BCOR: variants seen among roughly 807,000 people sequenced by gnomAD.
BCOR encodes BCL6 corepressor.
A neutral mutation model predicts 86.7 loss-of-function variants in BCOR; 10 were observed. That is an observed-to-expected ratio of 0.12 (90% CI 0.07 to 0.20). The LOEUF (loss-of-function observed/expected upper bound fraction) is 0.20. Ranked by LOEUF, BCOR falls within the 10% of genes least tolerant of loss-of-function variation. The pLI is 1.00. For missense variants in BCOR, 1,259 were observed against 1,452.1 expected (o/e 0.87, Z 2.16); for synonymous variants, 611 against 609.0 (o/e 1.00, Z -0.05).
chrX:40,115,268 TTAAC>T (rs1435414711), intron 1 of BCOR, among the ~76,000 whole-genome samples: 7 of 111,919 alleles, frequency 6.3e-5, no homozygotes, highest in African/African-American at 2.3e-4. Flanking sequence ...CCCCAAACCT[TTAAC>T]TATTTCTGGG....
chrX:40,120,820 A>C (rs903335087), intron 1 of BCOR, among the ~76,000 whole-genome samples: 6 of 112,492 alleles, frequency 5.3e-5, no homozygotes, highest in Non-Finnish European at 7.5e-5. Context: ...GATGTATGCC[A>C]TGGAAAGAAA....
intron 1 of BCOR, among the ~76,000 whole-genome samples, chrX:40,084,148 T>G (rs1936242491): frequency 9.0e-6 from 1 of 111,466 alleles, no homozygotes; most frequent in African/African-American, 3.3e-5. Context: ...GGGGTGCGAA[T>G]CTCGGGCGTT....
At chrX:40,155,595 C>T (rs2147998433) in intron 1 of BCOR, among the ~76,000 whole-genome samples, 1 of 110,772 alleles carries the variant, frequency 9.0e-6, no homozygotes, top group East Asian at 2.9e-4. Flanking sequence ...CGAGGAGACC[C>T]CACTCGGACT....
At chrX:40,105,085 T>C (rs991856018) in intron 1 of BCOR, among the ~76,000 whole-genome samples, 13 of 109,633 alleles carry the variant, frequency 1.2e-4, no homozygotes, top group African/African-American at 3.3e-4. Context: ...GCGCTTCACG[T>C]GCCCGCCATA....
chrX:40,061,540 G>C (rs1406883785), intron 10 of BCOR, among the ~76,000 whole-genome samples: 1 of 111,164 alleles, frequency 9.0e-6, no homozygotes, highest in African/African-American at 3.3e-5. Flanking sequence ...CCCATGCTAG[G>C]AGGAGGATGA....
At chrX:40,124,852 C>T (rs769017715) in intron 1 of BCOR, among the ~76,000 whole-genome samples, 44 of 111,234 alleles carry the variant, frequency 4.0e-4, no homozygotes, top group Non-Finnish European at 7.9e-4. Flanking sequence ...GCTAGGATTA[C>T]AGGGCCACTG....
chrX:40,175,830 T>C (rs1569204868), intron 1 of BCOR, among the ~76,000 whole-genome samples: 2 of 112,490 alleles, frequency 1.8e-5, no homozygotes, highest in East Asian at 5.7e-4. Context: ...TCGACTGGGG[T>C]GAGGGGCGGG....
At chrX:40,125,011 G>T (rs1937522969) in intron 1 of BCOR, among the ~76,000 whole-genome samples, 1 of 105,704 alleles carries the variant, frequency 9.5e-6, no homozygotes, top group African/African-American at 3.5e-5. Context: ...AGGATGGAGG[G>T]GTGTGTGTGG....
In BCOR at chrX:40,157,088, G is replaced by C. The variant is rs141905275; in HGVS notation, c.-41+19919C>G. 8.7e-3 allele frequency among the ~76,000 whole-genome samples: 992 copies of C among 113,481 alleles called. 8 individuals are homozygous for C. Among genetic ancestry groups the C allele is most frequent in the African/African-American group, 0.03 (939 of 31,308 alleles). On this transcript the variant is annotated intron_variant, in intron 1 of 14. Coordinates refer to the BCOR transcript ENST00000342274. ...GTCGAATGGTTGGCTTGGTGGTGGG[G>C]TGACCCCAGCTCACGGAGGCCTGGC...
intron 1 of BCOR, among the ~76,000 whole-genome samples, chrX:40,167,615 C>CT (rs1243178564): frequency 8.8e-6 from 1 of 113,001 alleles, no homozygotes; most frequent in Non-Finnish European, 1.9e-5. Context: ...GCCTGCTCGG[C>CT]TTTTATTGTG....
At chrX:40,156,386 C>A (rs1347676005) in intron 1 of BCOR, among the ~76,000 whole-genome samples, 1 of 110,505 alleles carries the variant, frequency 9.0e-6, no homozygotes, top group African/African-American at 3.3e-5. Context: ...GGGGGTAGGG[C>A]TGGGGCGGCA....
chrX:40,150,225 G>A (rs1362516452), intron 1 of BCOR, among the ~76,000 whole-genome samples: 1 of 112,327 alleles, frequency 8.9e-6, no homozygotes, highest in Non-Finnish European at 1.9e-5. Context: ...ATCTTTGAGA[G>A]GATTCAGTTT....
At chrX:40,164,607 A>T (rs1938478894) in intron 1 of BCOR, among the ~76,000 whole-genome samples, 1 of 111,680 alleles carries the variant, frequency 9.0e-6, no homozygotes, top group South Asian at 3.8e-4. Flanking sequence ...CCTGACCTAC[A>T]TTGGCTGCAC....
intron 1 of BCOR, among the ~76,000 whole-genome samples, chrX:40,173,683 AG>A (rs1168713548): frequency 8.9e-6 from 1 of 112,544 alleles, no homozygotes; most frequent in African/African-American, 3.2e-5. Context: ...AAGTTCCGTC[AG>A]GGCTCAGGCA....
At chrX:40,125,929 C>T (rs1937532759) in intron 1 of BCOR, among the ~76,000 whole-genome samples, 1 of 110,896 alleles carries the variant, frequency 9.0e-6, no homozygotes, top group South Asian at 3.8e-4. Flanking sequence ...ATCTGGGAGT[C>T]GGCCAGGCGC....
intron 1 of BCOR, among the ~76,000 whole-genome samples, chrX:40,135,184 C>T (rs187832081): frequency 1.2e-3 from 136 of 111,234 alleles, no homozygotes; most frequent in Admixed American, 3.9e-3. Context: ...GTGTCCTGCA[C>T]AGCCTGCGAG....
chrX:40,171,842 G>A (rs942188940), intron 1 of BCOR, among the ~76,000 whole-genome samples: 1 of 113,350 alleles, frequency 8.8e-6, no homozygotes, highest in African/African-American at 3.2e-5. Flanking sequence ...GATGGCAGCG[G>A]CTCCCCTGGG....
At chrX:40,127,911 T>TTA (rs1491347085) in intron 1 of BCOR, among the ~76,000 whole-genome samples, 83 of 86,484 alleles carry the variant, frequency 9.6e-4, no homozygotes, top group African/African-American at 3.1e-3. Flanking sequence ...TAAATAAATT[T>TTA]AAAAAAAAAA....
At chrX:40,086,306 A>C (rs1936353905) in intron 1 of BCOR, among the ~76,000 whole-genome samples, 1 of 112,686 alleles carries the variant, frequency 8.9e-6, no homozygotes, top group South Asian at 3.6e-4. Flanking sequence ...GCTTTCAGTT[A>C]ATAACACATT....
Sources: allele counts gnomAD v4.1 joint callset (sites outside exome capture counted in the v4.1 genomes callset), GRCh38; gene constraint gnomAD v4.1.1; transcripts MANE v1.5; gene names NCBI Gene and HGNC (gene_info 2026-07-23, HGNC 2026-07-21).